The following PREX2 variants were observed in gnomAD, a reference collection of about 807,000 sequenced individuals.
The protein encoded by PREX2 is phosphatidylinositol 3,4,5-trisphosphate-dependent Rac exchanger 2 protein.
In PREX2, 107 loss-of-function variants were observed where a neutral mutation model predicts 203.2. The ratio of observed to expected loss-of-function variants is 0.53; its 90% CI spans 0.45 to 0.62. The LOEUF (loss-of-function observed/expected upper bound fraction) is 0.62. PREX2 is among the 20% of genes least tolerant of loss of function. The probability of loss-of-function intolerance (pLI) is 0.00; values close to 1 mark genes in which losing one functional copy is unlikely to be tolerated. For synonymous variants in PREX2, 672 were observed against 663.6 expected (o/e 1.01, Z -0.19); for missense variants, 1,777 against 1,955.9 (o/e 0.91, Z 1.72).
At chr8:68,059,168 T>C (rs1283997471) in intron 10 of PREX2, among the ~76,000 whole-genome samples, 2 of 152,216 alleles carry the variant, frequency 1.3e-5, no homozygotes, top group Non-Finnish European at 2.9e-5. Flanking sequence ...AGAAAACTAG[T>C]CTACAACAAA....
At chr8:68,130,227 C>T (rs930369647) in intron 31 of PREX2, among the ~76,000 whole-genome samples, 15 of 151,964 alleles carry the variant, frequency 9.9e-5, no homozygotes, top group African/African-American at 3.6e-4. Flanking sequence ...GAGTTTGAAC[C>T]TGCAGTGAGC....
At position 68,195,916 on chromosome 8, in the gene PREX2, G is replaced by C. The variant is rs989466653; in HGVS notation, c.4604+3391G>C. 3.3e-5 allele frequency among the ~76,000 whole-genome samples: 5 copies of C among 152,264 alleles called. 1 individual carries two copies. In the South Asian group the frequency reaches 1.0e-3, roughly 32 times the overall value. The stretch of plus-strand genomic sequence containing the variant: ...TTAAAGGGAAGAATGTGGCTTTTTG[G>C]AACGAAAAGGCAGATTTAATTAACA... On this transcript the variant is annotated intron_variant, in intron 37 of 39. Coordinates refer to ENST00000288368, the MANE Select transcript of PREX2 (RefSeq NM_024870.4).
chr8:68,215,603 C>T (rs1812819951), intron 37 of PREX2, among the ~76,000 whole-genome samples: 1 of 152,006 alleles, frequency 6.6e-6, no homozygotes, highest in Non-Finnish European at 1.5e-5. Context: ...GGTGCGATCT[C>T]TGCTCACTGC....
Position 68,217,625 on chromosome 8 carries a change from G to C in PREX2, c.4614G>C (p.Leu1538=). 1 of 1,614,062 alleles carries C rather than the reference G, an allele frequency of 6.2e-7. No homozygotes were observed. Among genetic ancestry groups the C allele is most frequent in the Non-Finnish European group, 8.5e-7 (1 of 1,179,960 alleles). The change falls in exon 38 of 40, where the codon CTG becomes CTC. Residue 1538 remains leucine (L), a synonymous_variant. Coordinates refer to ENST00000288368, the MANE Select transcript of PREX2 (RefSeq NM_024870.4). ...MCSSGVHRCT[L]SVTLEQAIIL... Reference sequence around the variant, plus strand: ...TTGCCTTGGCCCACAGGTGCACCCTGAGCGTGACGCTGGAGCAAGCCATCA... The same window carrying C: ...TTGCCTTGGCCCACAGGTGCACCCTCAGCGTGACGCTGGAGCAAGCCATCA...
intron 13 of PREX2, among the ~76,000 whole-genome samples, chr8:68,071,986 A>G (rs1809209196): frequency 6.6e-6 from 1 of 152,182 alleles, no homozygotes; most frequent in African/African-American, 2.4e-5. Flanking sequence ...TTTTATTAAT[A>G]CGATGTACAG....
Position 68,030,666 on chromosome 8 carries a change from C to G in PREX2, c.705+8C>G, listed in dbSNP as rs111476269. 1 of 1,613,028 alleles carries G rather than the reference C, an allele frequency of 6.2e-7. No homozygotes were observed. The highest frequency in any genetic ancestry group is 1.7e-5 in the Admixed American group (1 of 59,984). On this transcript the variant is annotated splice_region_variant and intron_variant, in intron 6 of 39. Coordinates refer to ENST00000288368, the MANE Select transcript of PREX2 (RefSeq NM_024870.4). ...CACATTGAAGGCTGGGAGGTACATT[C>G]ACTTTGCTTGACAATCGAGCTTAAG...
chr8:68,212,183 C>T (rs1023793553), intron 37 of PREX2, among the ~76,000 whole-genome samples: 1 of 152,122 alleles, frequency 6.6e-6, no homozygotes, highest in Non-Finnish European at 1.5e-5. Context: ...CCAGCATTAA[C>T]CTCAGGGCCT....
rs148557796 is a variant in PREX2, at chr8:68,007,641, G to A, written c.142-10205G>A. On this transcript the variant is annotated intron_variant, in intron 1 of 39. Transcript: ENST00000288368. Reference sequence around the variant, plus strand: ...TTTTTTATTTTTGAGACGGAGTCTCGCTTTGTCGCCCAGGCTGGAGTGCAG... The same window carrying A: ...TTTTTTATTTTTGAGACGGAGTCTCACTTTGTCGCCCAGGCTGGAGTGCAG... 1.9e-3 allele frequency among the ~76,000 whole-genome samples: 283 copies of A among 152,212 alleles called. 3 individuals carry two copies. Among genetic ancestry groups the A allele is most frequent in the African/African-American group, 6.4e-3 (265 of 41,540 alleles).
chr8:68,220,729 A>T (rs1585873182), intron 38 of PREX2, among the ~76,000 whole-genome samples: 1 of 152,206 alleles, frequency 6.6e-6, no homozygotes, highest in Admixed American at 6.5e-5. Flanking sequence ...TTTGTATCAC[A>T]GTTTCCCAAA....
intron 15 of PREX2, among the ~76,000 whole-genome samples, chr8:68,079,998 C>T (rs1809464077): frequency 9.3e-6 from 1 of 107,086 alleles, no homozygotes; most frequent in South Asian, 3.1e-4. Context: ...AAGAAGGCAA[C>T]ACTTAACCCA....
intron 8 of PREX2, among the ~76,000 whole-genome samples, chr8:68,046,819 CT>C (rs1378118008): frequency 3.9e-5 from 6 of 152,016 alleles, no homozygotes; most frequent in Non-Finnish European, 5.9e-5. Context: ...AATTTTCAGC[CT>C]GCAACTGGAT....
chr8:68,050,056 A>ATG (rs1219248514), intron 8 of PREX2, among the ~76,000 whole-genome samples: 2 of 150,846 alleles, frequency 1.3e-5, no homozygotes, highest in Non-Finnish European at 2.9e-5. Flanking sequence ...GTGTTTATGT[A>ATG]TGTGTGTATA....
At chr8:68,160,218 A>G (rs372273635) in intron 35 of PREX2, among the ~76,000 whole-genome samples, 137 of 152,206 alleles carry the variant, frequency 9.0e-4, no homozygotes, top group African/African-American at 3.2e-3. Context: ...AGTCTTTTCC[A>G]TCCTTGCATG....
At chr8:68,220,058 TATATAAATGAATA>T (rs1207466195) in intron 38 of PREX2, 1 of 151,762 alleles carries the variant, frequency 6.6e-6, no homozygotes, top group Non-Finnish European at 1.5e-5. Flanking sequence ...AGTTTTATAA[TATATAAATGAATA>T]ATATAATGAA....
At chr8:68,102,088 A>G (rs779071581) in intron 23 of PREX2, among the ~76,000 whole-genome samples, 1 of 152,206 alleles carries the variant, frequency 6.6e-6, no homozygotes, top group Non-Finnish European at 1.5e-5. Context: ...CTAATGGGCA[A>G]TGATGTTAGA....
chr8:68,200,145 A>G (rs1444547149), intron 37 of PREX2, among the ~76,000 whole-genome samples: 1 of 152,204 alleles, frequency 6.6e-6, no homozygotes, highest in Non-Finnish European at 1.5e-5. Context: ...AGATGGCTAA[A>G]TAGATCAGAA....
chr8:68,160,847 C>G (rs560006454), intron 35 of PREX2, among the ~76,000 whole-genome samples: 4 of 152,044 alleles, frequency 2.6e-5, no homozygotes, highest in African/African-American at 9.7e-5. Context: ...GAATCTTTCT[C>G]TTTTTTGACA....
At chr8:68,197,765 A>G (rs1377107165) in intron 37 of PREX2, among the ~76,000 whole-genome samples, 2 of 148,324 alleles carry the variant, frequency 1.3e-5, no homozygotes, top group Non-Finnish European at 3.0e-5. Context: ...ATGCTATATT[A>G]TATATATGCT....
At chr8:68,148,860 C>T (rs1811377890) in intron 34 of PREX2, among the ~76,000 whole-genome samples, 1 of 152,038 alleles carries the variant, frequency 6.6e-6, no homozygotes, top group Non-Finnish European at 1.5e-5. Context: ...AGTTCTTCTG[C>T]CTTTATAAAA....
Sources: gnomAD v4.1 joint callset for allele counts (sites outside exome capture counted in the v4.1 genomes callset) on GRCh38, gnomAD v4.1.1 for gene constraint, MANE v1.5 for transcripts, NCBI Gene and HGNC (gene_info 2026-07-23, HGNC 2026-07-21) for gene names.